The following IPO8 variants were observed in gnomAD, a reference collection of about 807,000 sequenced individuals.
IPO8 encodes importin 8.
IPO8 carries 65 observed loss-of-function variants against 141.2 expected under a neutral mutation model. The observed-to-expected ratio is 0.46, with a 90% CI of 0.38 to 0.57. IPO8 has a LOEUF of 0.57. IPO8 is among the 20% of genes least tolerant of loss of function. The pLI is 0.00. For missense variants in IPO8, 980 were observed against 1,246.8 expected (o/e 0.79, Z 3.22); for synonymous variants, 411 against 420.3 (o/e 0.98, Z 0.27).
At chr12:30,661,316 C>A (rs753438560) in intron 15 of IPO8, 50 bp from the exon 16 acceptor site, 1 of 1,478,976 alleles carries the variant, frequency 6.8e-7, no homozygotes, top group Non-Finnish European at 9.0e-7. Flanking sequence ...CTGTTACGTC[C>A]CCGCTTTACA....
intron 14 of IPO8, 187 bp from the exon 15 acceptor site, chr12:30,662,674 G>GT: frequency 1.6e-6 from 1 of 610,602 alleles, no homozygotes. Flanking sequence ...TTTCCCAAGA[G>GT]TAATATAAGG....
At position 30,674,669 on chromosome 12, in the gene IPO8, G is replaced by A. The variant is rs773825951; in HGVS notation, c.814C>T (p.Leu272Phe). ...KKWALHIVARLFERYGSPGNV... is the reference protein window; with the variant it reads ...KKWALHIVARFFERYGSPGNV... ...TAAACAGATAATTACCGTTCAAAGA[G>A]CCGAGCTACAATATGCAGTGCCCAC... The change falls in exon 7 of 25, where the codon CTC becomes TTC. Residue 272 changes from leucine to phenylalanine, a missense_variant. Leu to Phe is a conservative substitution (Grantham distance 22). This residue lies in a region of IPO8 where 924 missense variants were observed against 1,153.9 expected (regional missense o/e 0.80). Coordinates refer to ENST00000256079, the MANE Select transcript of IPO8 (RefSeq NM_006390.4). 6.2e-7 allele frequency: 1 copy of A among 1,607,628 alleles called. No homozygotes were observed. The highest frequency in any genetic ancestry group is 1.1e-5 in the South Asian group (1 of 90,946).
chr12:30,658,062 C>T (rs530359636), intron 16 of IPO8, among the ~76,000 whole-genome samples: 29 of 152,170 alleles, frequency 1.9e-4, no homozygotes, highest in African/African-American at 6.0e-4. Context: ...AAATCTATGA[C>T]GGGTTACATT....
intron 20 of IPO8, among the ~76,000 whole-genome samples, chr12:30,642,286 G>C (rs904927240): frequency 6.6e-6 from 1 of 152,100 alleles, no homozygotes; most frequent in African/African-American, 2.4e-5. Flanking sequence ...CTCCAAAAGA[G>C]GTAAAGGAGA....
chr12:30,656,124 C>T (rs1488088159), intron 17 of IPO8, among the ~76,000 whole-genome samples: 1 of 152,222 alleles, frequency 6.6e-6, no homozygotes, highest in South Asian at 2.1e-4. Context: ...GCAGCCTCTA[C>T]CTGCCAGGCT....
Position 30,647,017 on chromosome 12 carries a change from C to G in IPO8, c.2268+2120G>C, listed in dbSNP as rs113235595. On this transcript the variant is annotated intron_variant, in intron 20 of 24. Transcript: ENST00000256079. ...ACCCTGTCTAGCCAAAACAATCTCA[C>G]AAAAGAATGCAGTTACAGGACTCAA... Among the ~76,000 whole-genome samples the G allele has an allele frequency of 9.7e-3, 1,483 of 152,166 alleles. 32 individuals are homozygous for G. The highest frequency in any genetic ancestry group is 0.033 in the African/African-American group (1,377 of 41,522).
At chr12:30,688,550 T>C (rs985049766) in intron 2 of IPO8, 1 of 253,500 alleles carries the variant, frequency 3.9e-6, no homozygotes, top group Non-Finnish European at 7.8e-6. Context: ...ATTATCTTTC[T>C]AGGTGTCTTG....
rs975784834 is a variant in IPO8, at chr12:30,692,758, G to T, written c.85-2181C>A. The stretch of plus-strand genomic sequence containing the variant: ...AGTCCTCCAGCACGCCAAGTTGAGG[G>T]CCTTTTCTGAACTGTTGTTCCTCTC... On this transcript the variant is annotated intron_variant, in intron 1 of 24. Coordinates refer to ENST00000256079, the MANE Select transcript of IPO8 (RefSeq NM_006390.4). Among the ~76,000 whole-genome samples, 9 of 151,966 alleles carry T rather than the reference G, an allele frequency of 5.9e-5. No homozygotes were observed. In the East Asian group the frequency reaches 1.2e-3, roughly 20 times the overall value.
chr12:30,685,523 T>C (rs537033040), intron 2 of IPO8, among the ~76,000 whole-genome samples: 5 of 149,836 alleles, frequency 3.3e-5, no homozygotes, highest in African/African-American at 1.3e-4. Flanking sequence ...TGTGTGTGTG[T>C]GTGTGTAAAG....
intron 5 of IPO8, 168 bp from the exon 6 acceptor site, chr12:30,676,755 G>A (rs1377483720): frequency 1.3e-6 from 1 of 768,350 alleles, no homozygotes; most frequent in Non-Finnish European, 2.1e-6. Flanking sequence ...CGACCATATA[G>A]AACTTAAATT....
intron 14 of IPO8, among the ~76,000 whole-genome samples, 155 bp downstream of exon 14, chr12:30,663,334 C>A (rs1242514023): frequency 6.6e-6 from 1 of 152,110 alleles, no homozygotes; most frequent in Non-Finnish European, 1.5e-5. Flanking sequence ...ATAGGAACAC[C>A]TAAAAAGGAC....
In IPO8 at chr12:30,649,244, A is replaced by G; in HGVS notation, c.2173-12T>C. 1.3e-6 allele frequency: 2 copies of G among 1,597,032 alleles called. No homozygotes were observed. Among genetic ancestry groups the G allele is most frequent in the Non-Finnish European group, 1.7e-6 (2 of 1,165,436 alleles). Reference sequence around the variant, plus strand: ...TCTCCACATAGTACCTGCAGTAATTACAATTTAGCTCAGCAGTAAGTGGCA... The same window carrying G: ...TCTCCACATAGTACCTGCAGTAATTGCAATTTAGCTCAGCAGTAAGTGGCA... On this transcript the variant is annotated splice_polypyrimidine_tract_variant and intron_variant, in intron 19 of 24. Transcript: ENST00000256079.
At chr12:30,673,401 T>C (rs6487927) in intron 8 of IPO8, among the ~76,000 whole-genome samples, 82,512 of 152,122 alleles carry the variant, frequency 0.54, 22,936 homozygotes, top group African/African-American at 0.66. Flanking sequence ...ATGATTTAAA[T>C]GGCAACACTG....
intron 11 of IPO8, 146 bp from the exon 12 acceptor site, chr12:30,665,991 T>A: frequency 1.5e-6 from 1 of 677,976 alleles, no homozygotes; most frequent in Non-Finnish European, 2.4e-6. Context: ...AAGTATAATT[T>A]ATTAAGAAAA....
chr12:30,661,616 A>AAC (rs1283054169), intron 15 of IPO8, among the ~76,000 whole-genome samples: 8 of 147,242 alleles, frequency 5.4e-5, no homozygotes, highest in Non-Finnish European at 9.0e-5. Flanking sequence ...GAAACAAACA[A>AAC]AAAAAAAAAA....
At chr12:30,641,416 T>G (rs61297171) in intron 20 of IPO8, among the ~76,000 whole-genome samples, 2,755 of 152,054 alleles carry the variant, frequency 0.018, 70 homozygotes, top group African/African-American at 0.063. Context: ...CTTCTCTGAA[T>G]ATACCTTGTC....
chr12:30,671,674 C>CAAAAAAAAAAAA (rs71052423), intron 8 of IPO8, among the ~76,000 whole-genome samples: 1 of 56,476 alleles, frequency 1.8e-5, no homozygotes, highest in African/African-American at 7.3e-5. Flanking sequence ...GACTCTGCCT[C>CAAAAAAAAAAAA]AAAAAAAAAA....
rs1591843257 is a variant in IPO8, at chr12:30,680,605, T to G, written c.516A>C (p.Ile172=). 6.2e-7 allele frequency: 1 copy of G among 1,612,108 alleles called. No individual in the cohort carries two copies. The highest frequency in any genetic ancestry group is 2.2e-5 in the East Asian group (1 of 44,712). The change falls in exon 5 of 25, where the codon ATA becomes ATC. Residue 172 remains isoleucine (I), a synonymous_variant. Coordinates refer to ENST00000256079, the MANE Select transcript of IPO8 (RefSeq NM_006390.4). ...GAGGCAGGAATATCTGCATTGCTAT[T>G]ATAAGAGGTTCTCTCTCTTCTGCTT... is the stretch of plus-strand genomic sequence containing the variant. ...YKKAEEREPL[I]IAMQIFLPRI...
At position 30,629,142 on chromosome 12, in the gene IPO8, T is replaced by G. The variant is rs7327; in HGVS notation, c.*1718A>C. 6.6e-6 allele frequency: 1 copy of G among 152,028 alleles called. No individual in the cohort carries two copies. The highest frequency in any genetic ancestry group is 1.9e-4 in the East Asian group (1 of 5,178). The allele number at this position is 152,028 out of a possible 1,614,324, so 9.4% of individuals were successfully genotyped here. A position where few individuals can be genotyped will look rare whatever the true frequency, so the allele number is the denominator to read the frequency against. On this transcript the variant is annotated 3_prime_UTR_variant, in exon 25 of 25. Coordinates refer to ENST00000256079, the MANE Select transcript of IPO8 (RefSeq NM_006390.4). Reference sequence around the variant, plus strand: ...CAAGATAGGGTAATGCACATTAATATCTCTTTCCCTTTAATACTGCAGAAG... The same window carrying G: ...CAAGATAGGGTAATGCACATTAATAGCTCTTTCCCTTTAATACTGCAGAAG...
Sources: allele counts gnomAD v4.1 joint callset (sites outside exome capture counted in the v4.1 genomes callset), GRCh38; gene constraint gnomAD v4.1.1; regional missense constraint gnomAD v4.1.1; transcripts MANE v1.5; gene names NCBI Gene and HGNC (gene_info 2026-07-23, HGNC 2026-07-21).